Variants in DGKG observed in about 807,000 individuals in gnomAD.
DGKG encodes diacylglycerol kinase gamma, also known as DAG kinase gamma.
A neutral mutation model predicts 105.3 loss-of-function variants in DGKG; 78 were observed. That is an observed-to-expected ratio of 0.74 (90% CI 0.62 to 0.89). The LOEUF (loss-of-function observed/expected upper bound fraction) is 0.89. Among genes scored for constraint, DGKG ranks in the 40% least tolerant of loss-of-function variants. The probability of loss-of-function intolerance (pLI) is 0.00; values close to 1 mark genes in which losing one functional copy is unlikely to be tolerated. For synonymous variants in DGKG, 346 were observed against 367.1 expected (o/e 0.94, Z 0.66); for missense variants, 958 against 1,020.1 (o/e 0.94, Z 0.83).
intron 1 of DGKG, among the ~76,000 whole-genome samples, chr3:186,357,782 A>T (rs1727044004): frequency 1.3e-5 from 2 of 150,652 alleles, no homozygotes; most frequent in Non-Finnish European, 2.9e-5. Context: ...AGACATAGAC[A>T]CACACTTTGC....
rs755680712 is a variant in DGKG at position 186,210,713 on chromosome 3, G to T, written c.1917+1082C>A. ...AGGTGCCTCCTCCAGGGAGGCCCAG[G>T]CCCCACTGGACTGCAGTGCGGGCTT... On this transcript the variant is annotated intron_variant, in intron 21 of 24. Transcript: ENST00000265022. The surrounding 1 kb of genome is among the most constrained non-coding windows in gnomAD (Gnocchi z 5.2). The T allele has an allele frequency of 1.4e-5, 6 of 431,102 alleles. No individual in the cohort carries two copies. The highest frequency in any genetic ancestry group is 7.2e-4 in the Middle Eastern group (1 of 1,390). The allele number at this position is 431,102 out of a possible 1,614,324, so 26.7% of individuals were successfully genotyped here.
rs751990823 is a variant in DGKG, at chr3:186,260,453, C to T, written c.1410G>A (p.Gly470=). 2.5e-6 allele frequency: 4 copies of T among 1,612,062 alleles called. No homozygotes were observed. In the South Asian group the frequency reaches 4.4e-5, roughly 18 times the overall value. The change falls in exon 16 of 25, where the codon GGG becomes GGA. Residue 470 remains glycine (G), a synonymous_variant. Transcript: ENST00000265022. ...GATCTCCATACCCTGGAGTAGGCCC[C>T]CCATTGTCCAGGTTGAAAACTTGTT... ...NPKQVFNLDN[G]GPTPGLNFFR...
intron 22 of DGKG, among the ~76,000 whole-genome samples, chr3:186,182,363 C>T (rs970625888): frequency 6.6e-6 from 1 of 152,198 alleles, no homozygotes; most frequent in Non-Finnish European, 1.5e-5. Flanking sequence ...AGGTTCCAGG[C>T]ACTCTGCTCA....
intron 21 of DGKG, among the ~76,000 whole-genome samples, chr3:186,194,818 A>AAAAAAAAAAAAAAAAAAAAAAAAC (rs1718097427): frequency 6.6e-6 from 1 of 151,342 alleles, no homozygotes; most frequent in African/African-American, 2.4e-5. Context: ...AAAAAAAAAA[A>AAAAAAAAAAAAAAAAAAAAAAAAC]AAAAGCCGGG....
At position 186,188,272 on chromosome 3, in the gene DGKG, C is replaced by T. The variant is rs1282942490; in HGVS notation, c.2025G>A (p.Lys675=). 1 of 1,614,162 alleles carries T rather than the reference C, an allele frequency of 6.2e-7. No individual in the cohort carries two copies. The highest frequency in any genetic ancestry group is 1.7e-5 in the Admixed American group (1 of 60,018). The change falls in exon 22 of 25, where the codon AAG becomes AAA. Residue 675 remains lysine (K), a synonymous_variant. Coordinates refer to ENST00000265022, the MANE Select transcript of DGKG (RefSeq NM_001346.3). ...GGTNLWGENK[K]NRAVIRESRK... ...TGCTTTCCCGGATCACAGCCCGGTT[C>T]TTCTTGTTTTCTCCCCAGAGATTGG...
chr3:186,354,163 C>A (rs1411161933), intron 1 of DGKG, among the ~76,000 whole-genome samples: 1 of 152,070 alleles, frequency 6.6e-6, no homozygotes, highest in South Asian at 2.1e-4. Context: ...ACACCCTGGC[C>A]TTCTGGGAGC....
At position 186,284,828 on chromosome 3, in the gene DGKG, G is replaced by T; in HGVS notation, c.545-119C>A. 3.8e-6 allele frequency: 3 copies of T among 791,132 alleles called. No homozygotes were observed. Among genetic ancestry groups the T allele is most frequent in the Middle Eastern group, 4.7e-4 (2 of 4,270 alleles). The allele number at this position is 791,132 out of a possible 1,614,324, so 49.0% of individuals were successfully genotyped here. On this transcript the variant is annotated intron_variant, in intron 6 of 24. Transcript: ENST00000265022. The surrounding 1 kb of genome is among the most constrained non-coding windows in gnomAD (Gnocchi z 4.0). ...CACCACTGTGACGAAGGTTATGGCA[G>T]CCAGCTCTCCCTCCCTCTGAGCACA...
chr3:186,256,337 G>A (rs1721470879), intron 17 of DGKG, among the ~76,000 whole-genome samples: 1 of 152,180 alleles, frequency 6.6e-6, no homozygotes, highest in South Asian at 2.1e-4. Flanking sequence ...CCTGGTCACG[G>A]TCTAGTCCTG....
intron 24 of DGKG, among the ~76,000 whole-genome samples, chr3:186,152,646 G>C (rs527363229): frequency 6.6e-6 from 1 of 152,156 alleles, no homozygotes; most frequent in African/African-American, 2.4e-5. Context: ...TACATTTCCC[G>C]CTGGTAGAGC....
At chr3:186,185,693 C>A (rs2108498556) in intron 22 of DGKG, among the ~76,000 whole-genome samples, 1 of 152,208 alleles carries the variant, frequency 6.6e-6, no homozygotes, top group South Asian at 2.1e-4. Context: ...TCAATGCTTC[C>A]CCTACCCTCT....
At chr3:186,201,188 GA>G (rs1345869390) in intron 21 of DGKG, among the ~76,000 whole-genome samples, 2 of 151,696 alleles carry the variant, frequency 1.3e-5, no homozygotes, top group African/African-American at 4.8e-5. Context: ...TGTGTTAAGG[GA>G]TTCTTGCTCT....
At chr3:186,289,635 C>T (rs1449649664) in intron 5 of DGKG, among the ~76,000 whole-genome samples, 3 of 152,192 alleles carry the variant, frequency 2.0e-5, no homozygotes, top group African/African-American at 7.2e-5. Context: ...TGTCTTCCGT[C>T]TCTACCTCCA....
At chr3:186,311,224 T>A (rs1475922384) in intron 2 of DGKG, among the ~76,000 whole-genome samples, 1 of 152,212 alleles carries the variant, frequency 6.6e-6, no homozygotes, top group Non-Finnish European at 1.5e-5. Context: ...ACAGTCAAGG[T>A]TGAGGACTGC....
intron 21 of DGKG, among the ~76,000 whole-genome samples, chr3:186,201,577 G>A (rs549309049): frequency 2.0e-5 from 3 of 152,290 alleles, no homozygotes; most frequent in South Asian, 2.1e-4. Context: ...CTAGAGATGG[G>A]CGTGGGAGGC....
Position 186,210,018 on chromosome 3 carries a change from C to T in DGKG, c.1917+1777G>A, listed in dbSNP as rs982155627. 6.6e-6 allele frequency among the ~76,000 whole-genome samples: 1 copy of T among 152,226 alleles called. No homozygotes were observed. The highest frequency in any genetic ancestry group is 2.1e-4 in the South Asian group (1 of 4,830). ...TCCAGACCAGTGAACAACCCCACCC[C>T]CTCCAGAGGCCACCAGTGTCTTTAG... is the stretch of plus-strand genomic sequence containing the variant. On this transcript the variant is annotated intron_variant, in intron 21 of 24. Coordinates refer to ENST00000265022, the MANE Select transcript of DGKG (RefSeq NM_001346.3). This position sits in a 1 kb window ranked among gnomAD's most constrained non-coding sequence, Gnocchi z 5.2.
intron 22 of DGKG, among the ~76,000 whole-genome samples, chr3:186,166,152 C>T (rs1033172529): frequency 2.0e-5 from 3 of 152,226 alleles, no homozygotes; most frequent in African/African-American, 4.8e-5. Flanking sequence ...AATCTCTTGA[C>T]GGATGTATTC....
intron 2 of DGKG, chr3:186,313,662 T>C (rs1262365387): frequency 4.6e-6 from 1 of 218,174 alleles, no homozygotes; most frequent in African/African-American, 2.3e-5. Context: ...CAGTCTGCAT[T>C]TCAACAGCTC....
rs182328140 is a variant in DGKG at position 186,291,799 on chromosome 3, A to G, written c.374-2919T>C. On this transcript the variant is annotated intron_variant, in intron 5 of 24. Transcript: ENST00000265022. The stretch of plus-strand genomic sequence containing the variant: ...AAGAAAACTTTTAGAGATGATGGGT[A>G]TGTTCATCATATTAATTGTGGTACT... Among the ~76,000 whole-genome samples, 113 of 152,330 alleles carry G rather than the reference A, an allele frequency of 7.4e-4. 1 individual carries two copies. Among genetic ancestry groups the G allele is most frequent in the African/African-American group, 2.4e-3 (99 of 41,576 alleles).
chr3:186,285,894 G>T (rs895407690), intron 6 of DGKG, among the ~76,000 whole-genome samples: 1 of 152,080 alleles, frequency 6.6e-6, no homozygotes. Context: ...GGTCAGGCTG[G>T]TCTCAAACTC....
Sources: gnomAD v4.1 joint callset for allele counts (sites outside exome capture counted in the v4.1 genomes callset) on GRCh38, gnomAD v4.1.1 for gene constraint, Gnocchi (gnomAD v3.1) non-coding constraint, MANE v1.5 for transcripts, NCBI Gene and HGNC (gene_info 2026-07-23, HGNC 2026-07-21) for gene names.